PRELID2: variants seen among roughly 807,000 people sequenced by gnomAD.
PRELID2 encodes PRELI domain containing 2.
Under a neutral mutation model 28.4 loss-of-function variants are expected in PRELID2, and 25 were observed. That is an observed-to-expected ratio of 0.88 (90% CI 0.64 to 1.23). The LOEUF is 1.23. PRELID2 is among the 50% of genes most tolerant of loss of function. The pLI is 0.00. For missense variants in PRELID2, 201 were observed against 214.4 expected, an observed-to-expected ratio of 0.94 and a Z score of 0.39; for synonymous variants, 76 against 71.6, an observed-to-expected ratio of 1.06 and a Z score of -0.31.
At chr5:145,697,757 G>A (rs1016063754) in intron 1 of PRELID2, among the ~76,000 whole-genome samples, 5 of 152,166 alleles carry the variant, frequency 3.3e-5, no homozygotes, top group Non-Finnish European at 7.3e-5. Context: ...GGGTGTGGTT[G>A]TGTCTCCTTA....
chr5:145,439,923 T>C, the PRELID2 span, among the ~76,000 whole-genome samples: 57,996 of 151,918 alleles, frequency 0.38, 11,443 homozygotes, highest in Non-Finnish European at 0.43. Flanking sequence ...AATCTCCCTG[T>C]TGCCTGAAAA....
In PRELID2 at chr5:145,587,054, A is replaced by G. The variant is rs1449114988; in HGVS notation, n.71-113739T>C. On this transcript the variant is annotated intron_variant and non_coding_transcript_variant, in intron 1 of 2. Transcript: ENST00000510259. ...ATGCCAAGAGTCTATCTGGCCTGCT[A>G]TCAGACTAATGTTGTGAATGACTGC... Among the ~76,000 whole-genome samples the G allele has an allele frequency of 1.3e-5, 2 of 152,162 alleles. 1 individual carries two copies. The highest frequency in any genetic ancestry group is 4.8e-5 in the African/African-American group (2 of 41,438).
chr5:145,790,639 C>CA lies in PRELID2; in HGVS notation c.474+5802dup, dbSNP rs201327568. 5.1e-3 allele frequency among the ~76,000 whole-genome samples: 754 copies of CA among 148,670 alleles called. 4 individuals carry two copies. Among genetic ancestry groups the CA allele is most frequent in the African/African-American group, 0.018 (740 of 40,520 alleles). On this transcript the variant is annotated intron_variant, in intron 5 of 6. Coordinates refer to ENST00000683046, the MANE Select transcript of PRELID2 (RefSeq NM_205846.3). ...GAGTAAACTCCAAATGATCTCACCA[C>CA]AAAAAATGTTAAATATGTGAGGTGA...
intron 1 of PRELID2, among the ~76,000 whole-genome samples, chr5:145,600,428 A>ATATATATATATATATAT (rs571050308): frequency 8.4e-6 from 1 of 119,458 alleles, no homozygotes; most frequent in African/African-American, 4.7e-5. Flanking sequence ...GGGAAAAAAA[A>ATATATATATATATATAT]AAAAAAATAT....
chr5:145,811,607 T>A (rs879836380), intron 4 of PRELID2, among the ~76,000 whole-genome samples: 4 of 152,172 alleles, frequency 2.6e-5, no homozygotes, highest in Non-Finnish European at 4.4e-5. Flanking sequence ...TAAACGCAGA[T>A]GCCTACTCAG....
chr5:145,348,726 A>G, the PRELID2 span, among the ~76,000 whole-genome samples: 800 of 152,002 alleles, frequency 5.3e-3, 8 homozygotes, highest in Non-Finnish European at 8.3e-3. Flanking sequence ...AGACATTTAG[A>G]GAGTTCTAAT....
rs1755928863 is a variant in PRELID2, at chr5:145,719,464, A to G, written n.70+45467T>C. 2.0e-5 allele frequency among the ~76,000 whole-genome samples: 3 copies of G among 151,898 alleles called. No individual in the cohort carries two copies. In the South Asian group the frequency reaches 6.2e-4, roughly 32 times the overall value. ...TCCTACAAGACAAAAGGTAGTAAAA[A>G]TATTGGGAGATAAATGGTAACTTTC... On this transcript the variant is annotated intron_variant and non_coding_transcript_variant, in intron 1 of 2. Coordinates refer to the PRELID2 transcript ENST00000510259.
At chr5:145,339,271 A>C in the PRELID2 span, among the ~76,000 whole-genome samples, 1 of 152,232 alleles carries the variant, frequency 6.6e-6, no homozygotes, top group Admixed American at 6.5e-5. Flanking sequence ...GACAGACAGC[A>C]CTGAAAGCAA....
chr5:145,610,944 A>G (rs556758675), intron 1 of PRELID2, among the ~76,000 whole-genome samples: 1 of 149,676 alleles, frequency 6.7e-6, no homozygotes, highest in Non-Finnish European at 1.5e-5. Flanking sequence ...CCTAAACTAC[A>G]GTAAACAAAA....
the PRELID2 span, chr5:145,229,575 A>C: frequency 2.0e-6 from 3 of 1,474,564 alleles, no homozygotes; most frequent in Non-Finnish European, 2.8e-6. Flanking sequence ...CTCTTCATGT[A>C]CCTGAACGAA....
downstream of PRELID2, among the ~76,000 whole-genome samples, chr5:145,755,992 G>A (rs1757246552): frequency 6.6e-6 from 1 of 152,178 alleles, no homozygotes. Flanking sequence ...ATAGAGCTGA[G>A]CCTCACAGGC....
chr5:145,453,152 G>A, the PRELID2 span, among the ~76,000 whole-genome samples: 2 of 152,122 alleles, frequency 1.3e-5, no homozygotes, highest in African/African-American at 4.8e-5. Context: ...TCCCAAGCAT[G>A]AAATTTTATT....
At chr5:145,363,277 A>G in the PRELID2 span, among the ~76,000 whole-genome samples, 4 of 152,056 alleles carry the variant, frequency 2.6e-5, no homozygotes, top group Non-Finnish European at 2.9e-5. Flanking sequence ...TAAATACTAA[A>G]CAACTCTTAA....
At chr5:145,487,096 T>G (rs1218379552) in intron 1 of PRELID2, among the ~76,000 whole-genome samples, 12 of 81,874 alleles carry the variant, frequency 1.5e-4, no homozygotes, top group South Asian at 5.1e-4. Context: ...TGTGGTGGGG[T>G]GGGGGGAGGG....
At chr5:145,561,097 G>A (rs1192201852) in intron 1 of PRELID2, among the ~76,000 whole-genome samples, 2 of 151,654 alleles carry the variant, frequency 1.3e-5, no homozygotes, top group South Asian at 2.1e-4. Context: ...ACAAAGATTT[G>A]TTAGGTGGAA....
intron 1 of PRELID2, among the ~76,000 whole-genome samples, chr5:145,624,661 T>C (rs958212700): frequency 2.0e-5 from 3 of 152,156 alleles, no homozygotes; most frequent in Admixed American, 6.5e-5. Context: ...ATAGAGAATA[T>C]ATGTATAAAA....
intron 1 of PRELID2, among the ~76,000 whole-genome samples, chr5:145,830,436 G>A (rs1040103980): frequency 6.6e-6 from 1 of 152,154 alleles, no homozygotes; most frequent in Non-Finnish European, 1.5e-5. Flanking sequence ...GCTCATGAAA[G>A]GCAAGCCCAT....
intron 1 of PRELID2, among the ~76,000 whole-genome samples, chr5:145,679,323 G>C (rs955077254): frequency 1.3e-5 from 2 of 152,144 alleles, no homozygotes; most frequent in African/African-American, 2.4e-5. Context: ...TAGGAATCTG[G>C]AAACTTCTGC....
At chr5:145,764,898 G>A (rs762696230) in intron 6 of PRELID2, 33 bp downstream of exon 6, 1 of 1,505,352 alleles carries the variant, frequency 6.6e-7, no homozygotes, top group Non-Finnish European at 9.2e-7. Flanking sequence ...TATGGCTTGT[G>A]TAAATAATTC....
Sources: gnomAD v4.1 joint callset for allele counts (sites outside exome capture counted in the v4.1 genomes callset) on GRCh38, gnomAD v4.1.1 for gene constraint, MANE v1.5 for transcripts, NCBI Gene and HGNC (gene_info 2026-07-23, HGNC 2026-07-21) for gene names.